Variants in OVOL2 observed in about 807,000 individuals in gnomAD.
OVOL2 encodes the protein ovo like zinc finger 2, also known as transcription factor Ovo-like 2.
Under a neutral mutation model 18.1 loss-of-function variants are expected in OVOL2, and 13 were observed. That is an observed-to-expected ratio of 0.72 (90% CI 0.47 to 1.14). OVOL2 has a LOEUF of 1.14. OVOL2 is among the 50% of genes most tolerant of loss of function. OVOL2 has a pLI of 0.00. For missense variants in OVOL2, 335 were observed against 383.0 expected, an observed-to-expected ratio of 0.87 and a Z score of 1.05; for synonymous variants, 166 against 162.7, an observed-to-expected ratio of 1.02 and a Z score of -0.16.
intron 2 of OVOL2, among the ~76,000 whole-genome samples, chr20:18,047,874 A>AAAG: frequency 6.6e-6 from 1 of 150,790 alleles, no homozygotes; most frequent in African/African-American, 2.4e-5. Context: ...AAAAAAAAAA[A>AAAG]AAAGAAAGAA....
chr20:18,056,980 C>A lies in OVOL2; in HGVS notation c.101-103G>T. The A allele has an allele frequency of 7.6e-7, 1 of 1,314,544 alleles. No homozygotes were observed. Among genetic ancestry groups the A allele is most frequent in the Non-Finnish European group, 9.8e-7 (1 of 1,020,644 alleles). 81.4% of individuals were successfully genotyped at this position (1,314,544 alleles called of 1,614,324 possible). A position where few individuals can be genotyped will look rare whatever the true frequency, so the allele number is the denominator to read the frequency against. On this transcript the variant is annotated intron_variant, in intron 1 of 3. Coordinates refer to ENST00000278780, the MANE Select transcript of OVOL2 (RefSeq NM_021220.4). The surrounding 1 kb of genome is among the most constrained non-coding windows in gnomAD (Gnocchi z 4.2). Reference sequence around the variant, plus strand: ...GGTGCTGCCGCCGCCCCGCCCCGGACCTGGGCACCTCGCCAAGTGGGCAAC... The same window carrying A: ...GGTGCTGCCGCCGCCCCGCCCCGGAACTGGGCACCTCGCCAAGTGGGCAAC...
chr20:18,032,797 G>A (rs938867103), intron 3 of OVOL2, among the ~76,000 whole-genome samples: 4 of 152,044 alleles, frequency 2.6e-5, no homozygotes, highest in Admixed American at 6.6e-5. Context: ...GTGAGCCACC[G>A]CACCTAGCTC....
chr20:18,056,804 G>A lies in OVOL2; in HGVS notation c.174C>T (p.Gly58=). 1 of 1,491,226 alleles carries A rather than the reference G, an allele frequency of 6.7e-7. No homozygotes were observed. Among genetic ancestry groups the A allele is most frequent in the Admixed American group, 2.2e-5 (1 of 44,768 alleles). The allele number at this position is 1,491,226 out of a possible 1,614,324, so 92.4% of individuals were successfully genotyped here. A position where few individuals can be genotyped will look rare whatever the true frequency, so the allele number is the denominator to read the frequency against. The change falls in exon 2 of 4, where the codon GGC becomes GGT. Residue 58 remains glycine, a synonymous_variant. Coordinates refer to ENST00000278780, the MANE Select transcript of OVOL2 (RefSeq NM_021220.4). The surrounding 1 kb of genome is among the most constrained non-coding windows in gnomAD (Gnocchi z 4.2). ...CTCCAGGCTCCCCCGCGCTGCTGCTGCCGCTGCCGCTGCTGCTGCCGCCGT... is the reference window on the plus strand; with the variant it reads ...CTCCAGGCTCCCCCGCGCTGCTGCTACCGCTGCCGCTGCTGCTGCCGCCGT... The part of the protein sequence containing the change: ...RSDGGSSSGS[G]SSSAGEPGGA...
intron 2 of OVOL2, among the ~76,000 whole-genome samples, chr20:18,051,165 C>T (rs2036768384): frequency 6.6e-6 from 1 of 151,912 alleles, no homozygotes; most frequent in African/African-American, 2.4e-5. Context: ...CGTTTCAGCC[C>T]AGGAGTTTGA....
At chr20:18,033,516 G>A (rs905976957) in intron 3 of OVOL2, among the ~76,000 whole-genome samples, 1 of 152,182 alleles carries the variant, frequency 6.6e-6, no homozygotes, top group Non-Finnish European at 1.5e-5. Flanking sequence ...GGCCCTTTAC[G>A]CTGTCTTCTC....
rs539721029 is a variant in OVOL2, at chr20:18,037,052, C to T, written c.511+4482G>A. 1.9e-3 allele frequency among the ~76,000 whole-genome samples: 286 copies of T among 149,270 alleles called. 2 individuals carry two copies. Among genetic ancestry groups the T allele is most frequent in the Admixed American group, 3.5e-3 (52 of 14,786 alleles). Reference sequence around the variant, plus strand: ...TCGGGAGGCTGAGGCAGGAGACTGGCGTGAACCTGGGAGGCGGAGCTTGCA... The same window carrying T: ...TCGGGAGGCTGAGGCAGGAGACTGGTGTGAACCTGGGAGGCGGAGCTTGCA... On this transcript the variant is annotated intron_variant, in intron 3 of 3. Transcript: ENST00000278780.
At chr20:18,058,407 C>CT (rs1568642895), upstream of OVOL2, among the ~76,000 whole-genome samples, 10 of 147,384 alleles carry the variant, frequency 6.8e-5, no homozygotes, top group South Asian at 2.1e-3. Context: ...CTACAACACC[C>CT]CCCCCCCATA....
At chr20:18,034,337 T>C (rs2036595526) in intron 3 of OVOL2, among the ~76,000 whole-genome samples, 1 of 152,036 alleles carries the variant, frequency 6.6e-6, no homozygotes, top group Non-Finnish European at 1.5e-5. Context: ...CTGTAGCAGA[T>C]CCATCCTGGA....
At chr20:18,045,191 A>C (rs1344803764) in intron 2 of OVOL2, among the ~76,000 whole-genome samples, 1 of 152,004 alleles carries the variant, frequency 6.6e-6, no homozygotes, top group Non-Finnish European at 1.5e-5. Flanking sequence ...GCTTACTTCC[A>C]CCCTTGAAGG....
intron 3 of OVOL2, among the ~76,000 whole-genome samples, chr20:18,038,017 G>T (rs141398726): frequency 6.6e-6 from 1 of 152,120 alleles, no homozygotes; most frequent in Non-Finnish European, 1.5e-5. Context: ...ATCCTTCAAC[G>T]CCCAGCTGAA....
At chr20:18,050,530 T>C (rs1221623745) in intron 2 of OVOL2, 1 of 152,208 alleles carries the variant, frequency 6.6e-6, no homozygotes, top group Non-Finnish European at 1.5e-5. Flanking sequence ...TAAGCCTATG[T>C]AGTCCTTTCC....
At chr20:18,034,969 C>CGGCCCTGGGTCCTG (rs2036602771) in intron 3 of OVOL2, among the ~76,000 whole-genome samples, 1 of 151,968 alleles carries the variant, frequency 6.6e-6, no homozygotes, top group Non-Finnish European at 1.5e-5. Flanking sequence ...AAAGGGTCCT[C>CGGCCCTGGGTCCTG]GGCCCTGGGT....
At chr20:18,035,630 C>A (rs139712390) in intron 3 of OVOL2, among the ~76,000 whole-genome samples, 1 of 152,196 alleles carries the variant, frequency 6.6e-6, no homozygotes, top group Non-Finnish European at 1.5e-5. Context: ...AGAGATGGCT[C>A]GGCAAGCCTG....
intron 3 of OVOL2, among the ~76,000 whole-genome samples, chr20:18,040,677 A>T (rs2036659882): frequency 6.6e-6 from 1 of 152,148 alleles, no homozygotes; most frequent in African/African-American, 2.4e-5. Context: ...CTCTGTGAAG[A>T]ACTGGAACTG....
chr20:18,025,776 A>G (rs1315527853), intron 3 of OVOL2, among the ~76,000 whole-genome samples: 1 of 152,232 alleles, frequency 6.6e-6, no homozygotes, highest in Non-Finnish European at 1.5e-5. Flanking sequence ...GCAGGGAGAC[A>G]GTGTGGCACA....
chr20:18,039,607 C>CAAAAAAAAAAAAAAAAA (rs111619803), intron 3 of OVOL2, among the ~76,000 whole-genome samples: 5 of 87,000 alleles, frequency 5.7e-5, no homozygotes, highest in African/African-American at 1.2e-4. Flanking sequence ...GACGCTGTCT[C>CAAAAAAAAAAAAAAAAA]AAAAAAAAAA....
intron 3 of OVOL2, among the ~76,000 whole-genome samples, chr20:18,039,129 A>G (rs1453136444): frequency 6.6e-6 from 1 of 152,162 alleles, no homozygotes; most frequent in Non-Finnish European, 1.5e-5. Flanking sequence ...AATTTGCAAC[A>G]GTGGTTTTCC....
intron 3 of OVOL2, among the ~76,000 whole-genome samples, chr20:18,037,135 C>CAAAAAAAAAAAA (rs762848266): frequency 0.016 from 1,177 of 72,542 alleles, 6 homozygotes; most frequent in African/African-American, 0.03. Context: ...GACTCCGTCT[C>CAAAAAAAAAAAA]AAAAAAAAAA....
intron 3 of OVOL2, among the ~76,000 whole-genome samples, chr20:18,027,045 C>A (rs914578456): frequency 6.6e-6 from 1 of 152,114 alleles, no homozygotes; most frequent in Non-Finnish European, 1.5e-5. Flanking sequence ...CAAATCTCAG[C>A]ATCATGCAAT....
Sources: gnomAD v4.1 joint callset for allele counts (sites outside exome capture counted in the v4.1 genomes callset) on GRCh38, gnomAD v4.1.1 for gene constraint, Gnocchi (gnomAD v3.1) non-coding constraint, MANE v1.5 for transcripts, NCBI Gene and HGNC (gene_info 2026-07-23, HGNC 2026-07-21) for gene names.